PDE4D: variants seen among roughly 807,000 people sequenced by gnomAD.
PDE4D encodes 3',5'-cyclic-AMP phosphodiesterase 4D.
Under a neutral mutation model 87.4 loss-of-function variants are expected in PDE4D, and 24 were observed. That is an observed-to-expected ratio of 0.27 (90% CI 0.20 to 0.39). The LOEUF (loss-of-function observed/expected upper bound fraction) is 0.39, where lower values mean the gene tolerates loss of function less well. PDE4D is among the 10% of genes least tolerant of loss of function. The pLI is 1.00. For missense variants in PDE4D, 714 were observed against 1,041.0 expected, an observed-to-expected ratio of 0.69 and a Z score of 4.32; for synonymous variants, 384 against 383.2, an observed-to-expected ratio of 1.00 and a Z score of -0.02.
chr5:59,315,336 C>A (rs922868145), intron 1 of PDE4D, among the ~76,000 whole-genome samples: 1 of 152,140 alleles, frequency 6.6e-6, no homozygotes, highest in Non-Finnish European at 1.5e-5. Context: ...CCGATGGGAC[C>A]ATTCTGTTCT....
chr5:60,037,007 G>A (rs1409176423), intron 2 of PDE4D, among the ~76,000 whole-genome samples: 1 of 152,158 alleles, frequency 6.6e-6, no homozygotes, highest in East Asian at 1.9e-4. Flanking sequence ...CATGCAAGGA[G>A]GGGGGCCCAT....
chr5:59,463,270 C>T (rs1045525978), intron 1 of PDE4D, among the ~76,000 whole-genome samples: 4 of 152,140 alleles, frequency 2.6e-5, no homozygotes, highest in African/African-American at 9.7e-5. Context: ...TGGAAATTCC[C>T]CAATTCCTTA....
rs570443732 is a variant in PDE4D at position 60,107,845 on chromosome 5, G to C, written c.42+77712C>G. On this transcript the variant is annotated intron_variant, in intron 2 of 16. Coordinates refer to the PDE4D transcript ENST00000502484. ...AAAAAATCTCAATAAATTAGGTATT[G>C]ATGGGACGTATCTCAAAATAAGAAG... Among the ~76,000 whole-genome samples, 3 of 152,286 alleles carry C rather than the reference G, an allele frequency of 2.0e-5. No homozygotes were observed. The South Asian group carries it at 6.2e-4, about 32-fold the overall frequency.
intron 1 of PDE4D, among the ~76,000 whole-genome samples, chr5:59,448,171 A>G (rs1798616202): frequency 1.3e-5 from 2 of 152,206 alleles, no homozygotes; most frequent in African/African-American, 4.8e-5. Flanking sequence ...AGGCTAAAGT[A>G]TTTTGTAAAA....
intron 1 of PDE4D, among the ~76,000 whole-genome samples, chr5:60,500,288 A>G (rs1561317972): frequency 6.6e-6 from 1 of 152,200 alleles, no homozygotes; most frequent in Non-Finnish European, 1.5e-5. Context: ...AGACTGGGTG[A>G]CAGAGACCCA....
chr5:58,986,446 C>T (rs1421392123), intron 11 of PDE4D, among the ~76,000 whole-genome samples: 5 of 95,834 alleles, frequency 5.2e-5, no homozygotes, highest in South Asian at 3.7e-4. Context: ...AATATCGGTC[C>T]GTGGCCTGTC....
intron 1 of PDE4D, among the ~76,000 whole-genome samples, chr5:60,259,384 C>A (rs538336633): frequency 1.3e-5 from 2 of 152,124 alleles, no homozygotes; most frequent in East Asian, 3.9e-4. Flanking sequence ...TCTGGACAAA[C>A]TTCTCCAATT....
intron 1 of PDE4D, among the ~76,000 whole-genome samples, chr5:59,225,586 T>C (rs1183454271): frequency 6.6e-6 from 1 of 152,126 alleles, no homozygotes; most frequent in Non-Finnish European, 1.5e-5. Flanking sequence ...TTTAACAATA[T>C]TAAGTTTCCT....
At chr5:59,685,418 T>C (rs1482591476) in intron 1 of PDE4D, among the ~76,000 whole-genome samples, 1 of 152,178 alleles carries the variant, frequency 6.6e-6, no homozygotes, top group Admixed American at 6.5e-5. Flanking sequence ...CCTTCTACAA[T>C]ATTATGCACA....
Position 59,490,197 on chromosome 5 carries a change from A to G in PDE4D, c.456-274229T>C, listed in dbSNP as rs2153659817. On this transcript the variant is annotated intron_variant, in intron 1 of 14. Transcript: ENST00000340635. The stretch of plus-strand genomic sequence containing the variant: ...ACTGTGGAGTAAGTATCCTCTTAAA[A>G]TAAATTTCATATGCTAAGTGATTTT... Among the ~76,000 whole-genome samples the G allele has an allele frequency of 2.6e-5, 4 of 152,290 alleles. No individual in the cohort carries two copies. In the South Asian group the frequency reaches 8.3e-4, roughly 32 times the overall value.
chr5:59,436,302 T>C (rs1796793264), intron 1 of PDE4D, among the ~76,000 whole-genome samples: 1 of 152,152 alleles, frequency 6.6e-6, no homozygotes, highest in Non-Finnish European at 1.5e-5. Context: ...AAGATGTAAA[T>C]ATCTTTAATG....
chr5:60,332,946 A>G (rs1199497132), intron 1 of PDE4D, among the ~76,000 whole-genome samples: 1 of 152,234 alleles, frequency 6.6e-6, no homozygotes, highest in Non-Finnish European at 1.5e-5. Flanking sequence ...ATCCAGGTAT[A>G]GCATCCTGAC....
intron 1 of PDE4D, among the ~76,000 whole-genome samples, chr5:59,789,548 G>A (rs922196883): frequency 4.6e-5 from 7 of 152,136 alleles, no homozygotes. Context: ...AATTTTCTTG[G>A]CTATATTGAA....
intron 2 of PDE4D, among the ~76,000 whole-genome samples, chr5:59,205,345 C>T (rs1434806687): frequency 6.6e-6 from 1 of 151,906 alleles, no homozygotes; most frequent in Non-Finnish European, 1.5e-5. Context: ...ATGTTCTTTA[C>T]CTGGCAAAAT....
chr5:59,430,221 T>C (rs1020413281), intron 1 of PDE4D: 24 of 1,209,148 alleles, frequency 2.0e-5, no homozygotes, highest in African/African-American at 3.1e-5. Context: ...TCAGCAGACA[T>C]CCAAAGCAGT....
At chr5:59,067,380 C>T (rs945163454) in intron 5 of PDE4D, among the ~76,000 whole-genome samples, 1 of 151,892 alleles carries the variant, frequency 6.6e-6, no homozygotes, top group Non-Finnish European at 1.5e-5. Flanking sequence ...CTTTCTGTAG[C>T]GTGAGCTGAA....
chr5:59,086,077 C>A (rs1767626154), intron 5 of PDE4D, among the ~76,000 whole-genome samples: 1 of 152,148 alleles, frequency 6.6e-6, no homozygotes, highest in Admixed American at 6.5e-5. Context: ...CTATCACTGC[C>A]TCCACTTTAC....
intron 1 of PDE4D, among the ~76,000 whole-genome samples, chr5:60,505,009 A>C (rs993948150): frequency 2.0e-5 from 3 of 152,246 alleles, no homozygotes; most frequent in Non-Finnish European, 2.9e-5. Flanking sequence ...ATCTAAATAG[A>C]ATGAACATAA....
chr5:59,736,416 C>T (rs910646928), intron 1 of PDE4D, among the ~76,000 whole-genome samples: 1 of 152,042 alleles, frequency 6.6e-6, no homozygotes. Flanking sequence ...CAGTGGCACA[C>T]TCTTATAATC....
Sources: allele counts gnomAD v4.1 joint callset (sites outside exome capture counted in the v4.1 genomes callset), GRCh38; gene constraint gnomAD v4.1.1; transcripts MANE v1.5; gene names NCBI Gene and HGNC (gene_info 2026-07-23, HGNC 2026-07-21).